Variants in PPP1R1C observed in about 807,000 individuals in gnomAD.
PPP1R1C encodes protein phosphatase 1 regulatory inhibitor subunit 1C, also known as protein phosphatase 1 regulatory subunit 1C.
In PPP1R1C, 15 loss-of-function variants were observed where a neutral mutation model predicts 17.4. The observed-to-expected ratio is 0.86, with a 90% CI of 0.58 to 1.33. PPP1R1C has a LOEUF of 1.33. Among genes scored for constraint, PPP1R1C ranks in the 40% most tolerant of loss-of-function variants. The pLI is 0.00. For synonymous variants in PPP1R1C, 35 were observed against 43.1 expected (o/e 0.81, Z 0.73); for missense variants, 143 against 130.0 (o/e 1.10, Z -0.48).
chr2:182,080,927 CTG>C (rs1051705806), intron 4 of PPP1R1C, among the ~76,000 whole-genome samples: 4 of 152,106 alleles, frequency 2.6e-5, no homozygotes, highest in African/African-American at 9.7e-5. Flanking sequence ...AATGAAAAAA[CTG>C]TATGTAAAAT....
upstream of PPP1R1C, among the ~76,000 whole-genome samples, chr2:181,982,391 T>A (rs1685209725): frequency 6.6e-6 from 1 of 152,222 alleles, no homozygotes; most frequent in African/African-American, 2.4e-5. Context: ...CGTTTCTTGA[T>A]AGTATTAGAT....
At chr2:182,015,382 TG>T (rs1287997770) in intron 2 of PPP1R1C, among the ~76,000 whole-genome samples, 1 of 152,188 alleles carries the variant, frequency 6.6e-6, no homozygotes, top group East Asian at 1.9e-4. Context: ...CCTAGCCATG[TG>T]GAACTGTGAG....
At chr2:182,052,598 T>C (rs1354249363) in intron 2 of PPP1R1C, among the ~76,000 whole-genome samples, 1 of 152,182 alleles carries the variant, frequency 6.6e-6, no homozygotes. Context: ...CCTCTGACAC[T>C]CACCTGCTTA....
intron 2 of PPP1R1C, among the ~76,000 whole-genome samples, chr2:181,998,689 C>A (rs1427217220): frequency 6.6e-6 from 1 of 152,162 alleles, no homozygotes; most frequent in Non-Finnish European, 1.5e-5. Context: ...AACACAGGAA[C>A]CTTGTTTATT....
intron 4 of PPP1R1C, among the ~76,000 whole-genome samples, chr2:182,075,842 G>A (rs986914827): frequency 2.0e-5 from 3 of 152,068 alleles, no homozygotes; most frequent in African/African-American, 7.2e-5. Flanking sequence ...TGATAATCTT[G>A]AGATGATAAG....
chr2:181,955,023 C>A (rs1187031666), intron 1 of PPP1R1C, among the ~76,000 whole-genome samples: 1 of 152,150 alleles, frequency 6.6e-6, no homozygotes, highest in African/African-American at 2.4e-5. Flanking sequence ...TGACCTCTGT[C>A]AGCTTTATAA....
In PPP1R1C at chr2:181,961,668, C is replaced by A. The variant is rs1684796722; in HGVS notation, n.111+7034C>A. The A allele has an allele frequency of 1.3e-6, 1 of 758,780 alleles. No homozygotes were observed. The highest frequency in any genetic ancestry group is 2.4e-5 in the East Asian group (1 of 40,896). The allele number at this position is 758,780 out of a possible 1,614,324, so 47.0% of individuals were successfully genotyped here. ...TGGTGCTCTTCTCAATCTGCTGAGA[C>A]CAGCACTTGTCCAGCTCCTCTCAGT... is the stretch of plus-strand genomic sequence containing the variant. On this transcript the variant is annotated intron_variant and non_coding_transcript_variant, in intron 1 of 5. Transcript: ENST00000464264. This position sits in a 1 kb window ranked among gnomAD's most constrained non-coding sequence, Gnocchi z 5.8.
chr2:182,083,666 A>T (rs1256405907), intron 4 of PPP1R1C, among the ~76,000 whole-genome samples: 2 of 152,032 alleles, frequency 1.3e-5, no homozygotes, highest in African/African-American at 4.8e-5. Flanking sequence ...TCATTGGTTG[A>T]TGGGCACTTA....
intron 4 of PPP1R1C, among the ~76,000 whole-genome samples, chr2:182,068,750 T>A (rs1485507845): frequency 6.6e-6 from 1 of 152,204 alleles, no homozygotes; most frequent in Non-Finnish European, 1.5e-5. Context: ...AAATGATAGC[T>A]GATGTTGAAT....
At chr2:182,030,345 T>A (rs1193377958) in intron 2 of PPP1R1C, among the ~76,000 whole-genome samples, 1 of 152,190 alleles carries the variant, frequency 6.6e-6, no homozygotes, top group East Asian at 1.9e-4. Flanking sequence ...TTTGTGGTTT[T>A]ATCTACTTTT....
At position 181,976,321 on chromosome 2, in the gene PPP1R1C, T is replaced by C. The variant is rs182040996; in HGVS notation, n.157+1057T>C. 4.6e-5 allele frequency among the ~76,000 whole-genome samples: 7 copies of C among 152,206 alleles called. No homozygotes were observed. In the East Asian group the frequency reaches 1.4e-3, roughly 29 times the overall value. On this transcript the variant is annotated intron_variant and non_coding_transcript_variant, in intron 2 of 5. Transcript: ENST00000464264. The surrounding 1 kb of genome is among the most constrained non-coding windows in gnomAD (Gnocchi z 4.8). The stretch of plus-strand genomic sequence containing the variant: ...ACAGCTATACTATTTAAACATTGTG[T>C]GAAATTTTTGAAAATTATTTGGAAA...
intron 4 of PPP1R1C, among the ~76,000 whole-genome samples, chr2:182,110,417 G>A (rs1044189284): frequency 5.9e-5 from 9 of 152,066 alleles, no homozygotes; most frequent in African/African-American, 1.9e-4. Context: ...TCTAGTCAGA[G>A]CCTTCTCTCC....
chr2:182,074,226 A>G (rs994913088), intron 4 of PPP1R1C, among the ~76,000 whole-genome samples: 12 of 151,926 alleles, frequency 7.9e-5, no homozygotes, highest in Non-Finnish European at 1.5e-5. Flanking sequence ...TACTTTTAGT[A>G]GAGACGGGGT....
intron 1 of PPP1R1C, among the ~76,000 whole-genome samples, chr2:181,964,293 G>C (rs1317385103): frequency 6.6e-6 from 1 of 152,158 alleles, no homozygotes; most frequent in East Asian, 1.9e-4. Context: ...CAAATGACAA[G>C]ATTTCATTCT....
At position 182,031,203 on chromosome 2, in the gene PPP1R1C, G is replaced by A. The variant is rs113362191; in HGVS notation, c.143-30239G>A. On this transcript the variant is annotated intron_variant, in intron 2 of 4. Transcript: ENST00000682840. ...TAGCTCACGCTGGGAGCTGTAGACC[G>A]GAGCTGTTCCTATTCGGCCATCTTG... Among the ~76,000 whole-genome samples the A allele has an allele frequency of 9.2e-5, 14 of 152,320 alleles. 1 individual carries two copies. The highest frequency in any genetic ancestry group is 3.9e-4 in the East Asian group (2 of 5,180).
intron 4 of PPP1R1C, among the ~76,000 whole-genome samples, chr2:182,095,439 C>T (rs1338257895): frequency 6.6e-6 from 1 of 152,178 alleles, no homozygotes; most frequent in African/African-American, 2.4e-5. Flanking sequence ...AAGATGTAGC[C>T]ATATGGTCGT....
At chr2:182,086,771 G>A (rs929137497) in intron 4 of PPP1R1C, among the ~76,000 whole-genome samples, 2 of 152,032 alleles carry the variant, frequency 1.3e-5, no homozygotes, top group African/African-American at 4.8e-5. Context: ...ATGTATCCCT[G>A]ATATGAAACA....
At position 182,088,396 on chromosome 2, in the gene PPP1R1C, C is replaced by G. The variant is rs375013960; in HGVS notation, c.241+24605C>G. Among the ~76,000 whole-genome samples, 26 of 152,238 alleles carry G rather than the reference C, an allele frequency of 1.7e-4. No individual in the cohort carries two copies. In the East Asian group the frequency reaches 1.9e-3, roughly 11 times the overall value. Reference sequence around the variant, plus strand: ...CCTCTTGCTGTGAAAATCTTCTAGTCAATGATTAAATTTCAAGAGCCTGAA... The same window carrying G: ...CCTCTTGCTGTGAAAATCTTCTAGTGAATGATTAAATTTCAAGAGCCTGAA... On this transcript the variant is annotated intron_variant, in intron 4 of 4. Coordinates refer to ENST00000682840, the MANE Select transcript of PPP1R1C (RefSeq NM_001080545.3).
At chr2:182,029,140 C>G (rs1437181411) in intron 2 of PPP1R1C, among the ~76,000 whole-genome samples, 8 of 144,522 alleles carry the variant, frequency 5.5e-5, no homozygotes, top group East Asian at 2.0e-4. Context: ...GAATACAGCA[C>G]ACTGATGGGT....
Sources: allele counts gnomAD v4.1 joint callset (sites outside exome capture counted in the v4.1 genomes callset), GRCh38; gene constraint gnomAD v4.1.1; non-coding constraint Gnocchi (gnomAD v3.1); transcripts MANE v1.5; gene names NCBI Gene and HGNC (gene_info 2026-07-23, HGNC 2026-07-21).